OSBPL8: variants seen among roughly 807,000 people sequenced by gnomAD.
OSBPL8 encodes oxysterol binding protein like 8.
A neutral mutation model predicts 125.5 loss-of-function variants in OSBPL8; 59 were observed. The ratio of observed to expected loss-of-function variants is 0.47; its 90% CI spans 0.38 to 0.58. The LOEUF (loss-of-function observed/expected upper bound fraction) is 0.58, where lower values mean the gene tolerates loss of function less well. OSBPL8 is among the 20% of genes least tolerant of loss of function. The probability of loss-of-function intolerance (pLI) is 0.00; values close to 1 mark genes in which losing one functional copy is unlikely to be tolerated. For synonymous variants in OSBPL8, 330 were observed against 338.9 expected (o/e 0.97, Z 0.29); for missense variants, 758 against 1,047.8 (o/e 0.72, Z 3.82).
intron 1 of OSBPL8, among the ~76,000 whole-genome samples, chr12:76,504,198 C>T (rs918900053): frequency 2.0e-5 from 3 of 151,940 alleles, no homozygotes; most frequent in Non-Finnish European, 4.4e-5. Context: ...GTTGACCTAC[C>T]CTGCAAATTT....
intron 1 of OSBPL8, among the ~76,000 whole-genome samples, chr12:76,555,696 G>A (rs907905311): frequency 3.3e-5 from 5 of 152,178 alleles, no homozygotes; most frequent in Admixed American, 6.5e-5. Flanking sequence ...CTAAGACCAA[G>A]TGATTGGCCG....
intron 1 of OSBPL8, among the ~76,000 whole-genome samples, chr12:76,541,787 T>C (rs1484135452): frequency 6.9e-6 from 1 of 144,138 alleles, no homozygotes; most frequent in Admixed American, 7.0e-5. Flanking sequence ...ACCCGGGAGG[T>C]GGAGGCTGCA....
At chr12:76,372,406 G>C (rs1402388299) in intron 18 of OSBPL8, among the ~76,000 whole-genome samples, 1 of 151,924 alleles carries the variant, frequency 6.6e-6, no homozygotes, top group African/African-American at 2.4e-5. Context: ...AAGAGGTCTT[G>C]TTATGTCACC....
At chr12:76,375,487 C>T (rs1788115281) in intron 16 of OSBPL8, 117 bp from the exon 17 acceptor site, 12 of 662,908 alleles carry the variant, frequency 1.8e-5, no homozygotes, top group South Asian at 6.3e-5. Flanking sequence ...TCACTCTGTC[C>T]CACTCAAATG....
intron 4 of OSBPL8, among the ~76,000 whole-genome samples, chr12:76,438,762 A>G (rs1871813614): frequency 6.6e-6 from 1 of 152,152 alleles, no homozygotes; most frequent in South Asian, 2.1e-4. Context: ...TTAAAGTGTT[A>G]AGTGGAAATC....
intron 3 of OSBPL8, among the ~76,000 whole-genome samples, chr12:76,459,181 T>A (rs2136813649): frequency 6.6e-6 from 1 of 152,282 alleles, no homozygotes; most frequent in African/African-American, 2.4e-5. Context: ...AGATAATTTC[T>A]GAAGTTCCTT....
intron 1 of OSBPL8, among the ~76,000 whole-genome samples, chr12:76,500,747 C>T (rs1879816783): frequency 6.6e-6 from 1 of 150,840 alleles, no homozygotes; most frequent in Non-Finnish European, 1.5e-5. Context: ...TTTCTTATGA[C>T]CAGGGTAAGA....
chr12:76,529,234 A>G (rs1353670573), intron 1 of OSBPL8, among the ~76,000 whole-genome samples: 1 of 152,212 alleles, frequency 6.6e-6, no homozygotes, highest in African/African-American at 2.4e-5. Context: ...ATTAAGGTGC[A>G]CACTATAAGG....
At chr12:76,448,935 C>T (rs1464189007) in intron 4 of OSBPL8, among the ~76,000 whole-genome samples, 1 of 152,190 alleles carries the variant, frequency 6.6e-6, no homozygotes, top group African/African-American at 2.4e-5. Context: ...ATCGCTTGAA[C>T]CCGGGAGATG....
intron 1 of OSBPL8, among the ~76,000 whole-genome samples, chr12:76,500,543 T>G (rs1261766750): frequency 2.6e-5 from 4 of 152,202 alleles, no homozygotes; most frequent in Non-Finnish European, 5.9e-5. Context: ...ATTGCATATG[T>G]TCCTATCTTC....
chr12:76,475,830 T>G (rs1876735964), intron 2 of OSBPL8, among the ~76,000 whole-genome samples: 1 of 152,234 alleles, frequency 6.6e-6, no homozygotes, highest in Non-Finnish European at 1.5e-5. Context: ...TTGAACACCC[T>G]GTTTTTACTA....
intron 4 of OSBPL8, among the ~76,000 whole-genome samples, chr12:76,415,995 T>C (rs1212785844): frequency 3.3e-5 from 5 of 152,100 alleles, no homozygotes; most frequent in East Asian, 3.8e-4. Context: ...TTAAGAAAGA[T>C]ACTTAGCTCA....
At position 76,556,367 on chromosome 12, in the gene OSBPL8, A is replaced by T. The variant is rs182684780; in HGVS notation, c.-68+3030T>A. Among the ~76,000 whole-genome samples, 39 of 152,266 alleles carry T rather than the reference A, an allele frequency of 2.6e-4. No homozygotes were observed. The East Asian group carries it at 7.3e-3, about 29-fold the overall frequency. ...AATAGCTCTCTCCCTTGCAAGCTTGATAACACTTTTCAGGAAGAAAAATTC... is the reference window on the plus strand; with the variant it reads ...AATAGCTCTCTCCCTTGCAAGCTTGTTAACACTTTTCAGGAAGAAAAATTC... On this transcript the variant is annotated intron_variant, in intron 1 of 23. Coordinates refer to ENST00000261183, the MANE Select transcript of OSBPL8 (RefSeq NM_020841.5).
At chr12:76,536,816 C>CAAAAAAAAAAAAAAA (rs36035843) in intron 1 of OSBPL8, among the ~76,000 whole-genome samples, 2 of 91,102 alleles carry the variant, frequency 2.2e-5, no homozygotes, top group African/African-American at 3.8e-5. Context: ...ATAGGAGTAT[C>CAAAAAAAAAAAAAAA]AAAAAAAAAA....
chr12:76,527,264 C>T (rs935051673), intron 1 of OSBPL8, among the ~76,000 whole-genome samples: 1 of 151,866 alleles, frequency 6.6e-6, no homozygotes, highest in Non-Finnish European at 1.5e-5. Flanking sequence ...GGGGATTGTG[C>T]AACATGAGGC....
At chr12:76,503,833 G>A (rs1027548842) in intron 1 of OSBPL8, among the ~76,000 whole-genome samples, 12 of 151,970 alleles carry the variant, frequency 7.9e-5, no homozygotes, top group South Asian at 2.1e-4. Flanking sequence ...ATAAGCCACC[G>A]CGCCTGGCCT....
chr12:76,381,866 C>A (rs778311700), intron 15 of OSBPL8, among the ~76,000 whole-genome samples: 12 of 152,068 alleles, frequency 7.9e-5, no homozygotes, highest in Non-Finnish European at 1.6e-4. Flanking sequence ...CTCCAAGTAG[C>A]TGGGATTACA....
intron 18 of OSBPL8, 21 bp from the exon 19 acceptor site, chr12:76,371,605 A>AAG: frequency 6.6e-7 from 1 of 1,524,070 alleles, no homozygotes; most frequent in Middle Eastern, 1.8e-4. Flanking sequence ...AAAAATTCAA[A>AAG]ATTAATGTAA....
intron 19 of OSBPL8, among the ~76,000 whole-genome samples, chr12:76,370,338 A>T (rs906769017): frequency 2.0e-5 from 3 of 152,204 alleles, no homozygotes; most frequent in Non-Finnish European, 4.4e-5. Context: ...AAAATATTTT[A>T]ATGTATTGCT....
Sources: gnomAD v4.1 joint callset for allele counts (sites outside exome capture counted in the v4.1 genomes callset) on GRCh38, gnomAD v4.1.1 for gene constraint, MANE v1.5 for transcripts, NCBI Gene and HGNC (gene_info 2026-07-23, HGNC 2026-07-21) for gene names.